The following ADRA1A variants were observed in gnomAD, a reference collection of about 807,000 sequenced individuals.
The protein encoded by ADRA1A is alpha-1A adrenergic receptor.
In ADRA1A, 31 loss-of-function variants were observed where a neutral mutation model predicts 29.6. The ratio of observed to expected loss-of-function variants is 1.05; its 90% CI spans 0.79 to 1.41. ADRA1A has a LOEUF of 1.41. ADRA1A is among the 40% of genes most tolerant of loss of function. ADRA1A has a pLI of 0.00. For synonymous variants in ADRA1A, 311 were observed against 254.3 expected, an observed-to-expected ratio of 1.22 and a Z score of -2.12; for missense variants, 619 against 601.1, an observed-to-expected ratio of 1.03 and a Z score of -0.31.
chr8:26,794,692 A>G (rs1366803310), intron 2 of ADRA1A, among the ~76,000 whole-genome samples: 1 of 151,992 alleles, frequency 6.6e-6, no homozygotes, highest in Non-Finnish European at 1.5e-5. Flanking sequence ...GGCCATACCA[A>G]AAAAAAGGAG....
Position 26,787,524 on chromosome 8 carries a change from T to C in ADRA1A, c.884-16858A>G, listed in dbSNP as rs1329180372. Among the ~76,000 whole-genome samples the C allele has an allele frequency of 6.6e-6, 1 of 151,998 alleles. No individual in the cohort carries two copies. The highest frequency in any genetic ancestry group is 1.5e-5 in the Non-Finnish European group (1 of 68,012). On this transcript the variant is annotated intron_variant, in intron 2 of 2. Transcript: ENST00000380573. The surrounding 1 kb of genome is among the most constrained non-coding windows in gnomAD (Gnocchi z 4.2). The stretch of plus-strand genomic sequence containing the variant: ...ATGATCTGTTATGTATGACAAAATC[T>C]GGGTGAAAGTGTAGGAATAAAAGGA...
rs1212609107 is a variant in ADRA1A at position 26,775,820 on chromosome 8, C to A, written c.884-5154G>T. Reference sequence around the variant, plus strand: ...AGGTGGATAGAACAGGAGTTTATGGCCAAACACCATCAACATTCTCATTCA... The same window carrying A: ...AGGTGGATAGAACAGGAGTTTATGGACAAACACCATCAACATTCTCATTCA... On this transcript the variant is annotated intron_variant, in intron 2 of 2. Coordinates refer to ENST00000380573, the MANE Select transcript of ADRA1A (RefSeq NM_000680.4). This position sits in a 1 kb window ranked among gnomAD's most constrained non-coding sequence, Gnocchi z 4.1. Among the ~76,000 whole-genome samples the A allele has an allele frequency of 2.0e-5, 3 of 152,188 alleles. No homozygotes were observed. The highest frequency in any genetic ancestry group is 7.2e-5 in the African/African-American group (3 of 41,450).
intron 2 of ADRA1A, among the ~76,000 whole-genome samples, chr8:26,801,470 A>T (rs1808573502): frequency 6.6e-6 from 1 of 152,236 alleles, no homozygotes; most frequent in Admixed American, 6.5e-5. Context: ...ATATGCCAAC[A>T]GCAAACAGTT....
intron 2 of ADRA1A, among the ~76,000 whole-genome samples, chr8:26,798,903 A>G (rs1808375660): frequency 6.6e-6 from 1 of 152,188 alleles, no homozygotes; most frequent in Non-Finnish European, 1.5e-5. Flanking sequence ...ACAGTTTGTT[A>G]CATTTCTTTC....
chr8:26,779,252 C>A (rs780371604), intron 2 of ADRA1A: 1 of 700,624 alleles, frequency 1.4e-6, no homozygotes, highest in South Asian at 1.5e-5. Flanking sequence ...CTAGTTCCTT[C>A]TCCCTTTTTT....
rs113975001 is a variant in ADRA1A at position 26,789,276 on chromosome 8, G to A, written c.884-18610C>T. On this transcript the variant is annotated intron_variant, in intron 2 of 2. Transcript: ENST00000380573. ...CTTCAAAATATGTTGTGAAGCTACA[G>A]TGATCAAAACAGCATGGTACTGATG... 2.6e-3 allele frequency among the ~76,000 whole-genome samples: 400 copies of A among 152,310 alleles called. 1 individual carries two copies. Among genetic ancestry groups the A allele is most frequent in the African/African-American group, 8.5e-3 (352 of 41,574 alleles).
chr8:26,757,213 GTT>G, intron 2 of ADRA1A: 1 of 696,808 alleles, frequency 1.4e-6, no homozygotes, highest in Admixed American at 2.0e-5. Flanking sequence ...TTTAAAACAA[GTT>G]TGAGATTCTG....
chr8:26,784,857 A>G (rs973687743), intron 2 of ADRA1A, among the ~76,000 whole-genome samples: 3 of 152,220 alleles, frequency 2.0e-5, no homozygotes, highest in Admixed American at 6.5e-5. Context: ...GCTGAAAGCT[A>G]TAGGAAGACT....
At chr8:26,754,934 T>C (rs112332718), downstream of ADRA1A, among the ~76,000 whole-genome samples, 3 of 152,330 alleles carry the variant, frequency 2.0e-5, no homozygotes, top group African/African-American at 7.2e-5. Context: ...AAAGCCAGCC[T>C]TTGGGGATAT....
rs553968257 is a variant in ADRA1A at position 26,813,616 on chromosome 8, G to C, written c.884-42950C>G. The stretch of plus-strand genomic sequence containing the variant: ...GTTACACTGTGGACATCCATCCTAT[G>C]CTTGAGTGTTTCCAGTGATATGGAA... On this transcript the variant is annotated intron_variant, in intron 2 of 2. Transcript: ENST00000380573. 2.4e-4 allele frequency among the ~76,000 whole-genome samples: 36 copies of C among 152,160 alleles called. No homozygotes were observed. The South Asian group carries it at 4.6e-3, about 19-fold the overall frequency.
chr8:26,810,108 T>C (rs549248068), intron 2 of ADRA1A, among the ~76,000 whole-genome samples: 1 of 152,354 alleles, frequency 6.6e-6, no homozygotes, highest in East Asian at 1.9e-4. Context: ...TAATTTTTGT[T>C]AACCATGAAT....
Position 26,865,097 on chromosome 8 carries a change from C to G in ADRA1A, c.-128G>C. ...AGGGAGCCCTGCCAGGTGGGTTTGG[C>G]TGGGGGTGAGAGCGCGCGCGCGGGT... On this transcript the variant is annotated 5_prime_UTR_variant, in exon 2 of 3. Coordinates refer to ENST00000380573, the MANE Select transcript of ADRA1A (RefSeq NM_000680.4). The surrounding 1 kb of genome is among the most constrained non-coding windows in gnomAD (Gnocchi z 7.6). The G allele has an allele frequency of 6.7e-7, 1 of 1,496,270 alleles. No individual in the cohort carries two copies. Among genetic ancestry groups the G allele is most frequent in the Non-Finnish European group, 8.8e-7 (1 of 1,133,590 alleles). The allele number at this position is 1,496,270 out of a possible 1,614,324, so 92.7% of individuals were successfully genotyped here. A position where few individuals can be genotyped will look rare whatever the true frequency, so the allele number is the denominator to read the frequency against.
chr8:26,772,348 C>G (rs1425438622), intron 2 of ADRA1A, among the ~76,000 whole-genome samples: 1 of 152,184 alleles, frequency 6.6e-6, no homozygotes, highest in Non-Finnish European at 1.5e-5. Context: ...CCAAACGTCC[C>G]TCTTCACTCC....
downstream of ADRA1A, among the ~76,000 whole-genome samples, chr8:26,767,762 G>A (rs371063530): frequency 1.1e-3 from 169 of 151,774 alleles, no homozygotes; most frequent in African/African-American, 3.9e-3. Flanking sequence ...GAAGAAAAAC[G>A]ATAATCATTC....
chr8:26,756,534 T>C, exon 3 of ADRA1A: 1 of 1,538,710 alleles, frequency 6.5e-7, no homozygotes, highest in Non-Finnish European at 8.7e-7. Flanking sequence ...TTTGCATTCA[T>C]GATCATTCCT....
chr8:26,770,342 A>G lies in ADRA1A; in HGVS notation c.1208T>C (p.Met403Thr). ...GVCEWKFFSS[M>T]PRGSARITVS... is the part of the protein sequence containing the mutation. ...TGTAATCCTGGCAGATCCACGGGGC[A>G]TGGAAGAGAAAAATTTCCATTCACA... The change falls in exon 3 of 3, where the codon ATG becomes ACG. Residue 403 changes from methionine (M) to threonine (T), a missense_variant. Transcript: ENST00000380573. 6.2e-7 allele frequency: 1 copy of G among 1,614,206 alleles called. No individual in the cohort carries two copies. Among genetic ancestry groups the G allele is most frequent in the Non-Finnish European group, 8.5e-7 (1 of 1,180,028 alleles).
At chr8:26,762,979 G>C (rs145661465), downstream of ADRA1A, among the ~76,000 whole-genome samples, 984 of 152,214 alleles carry the variant, frequency 6.5e-3, 15 homozygotes, top group African/African-American at 0.023. The surrounding 1 kb of genome is among the most constrained non-coding windows in gnomAD (Gnocchi z 4.0). Flanking sequence ...TCTTAGGGGA[G>C]GGCTAAATAT....
In ADRA1A at chr8:26,770,007, G is replaced by T. The variant is rs1387247136; in HGVS notation, c.*142C>A. 1.9e-5 allele frequency: 28 copies of T among 1,453,748 alleles called. No individual in the cohort carries two copies. The highest frequency in any genetic ancestry group is 2.4e-5 in the Non-Finnish European group (27 of 1,107,378). 90.1% of individuals were successfully genotyped at this position (1,453,748 alleles called of 1,614,324 possible). A position where few individuals can be genotyped will look rare whatever the true frequency, so the allele number is the denominator to read the frequency against. ...CTGTGCCCTACCCGCTGCCTGATGA[G>T]TTGGGTCTACCACCCACCCCATTCC... On this transcript the variant is annotated 3_prime_UTR_variant, in exon 3 of 3. Coordinates refer to ENST00000380573, the MANE Select transcript of ADRA1A (RefSeq NM_000680.4).
At chr8:26,798,696 T>C (rs1309528997) in intron 2 of ADRA1A, among the ~76,000 whole-genome samples, 1 of 152,172 alleles carries the variant, frequency 6.6e-6, no homozygotes, top group African/African-American at 2.4e-5. Context: ...GAGAATATAC[T>C]AAAGTTTACA....
Sources: allele counts gnomAD v4.1 joint callset (sites outside exome capture counted in the v4.1 genomes callset), GRCh38; gene constraint gnomAD v4.1.1; non-coding constraint Gnocchi (gnomAD v3.1); transcripts MANE v1.5; gene names NCBI Gene and HGNC (gene_info 2026-07-23, HGNC 2026-07-21).